Variants in DGLUCY observed in about 807,000 individuals in gnomAD.
DGLUCY encodes D-glutamate cyclase, also known as D-glutamate cyclase, mitochondrial.
In DGLUCY, 58 loss-of-function variants were observed where a neutral mutation model predicts 58.5. The observed-to-expected ratio is 0.99, with a 90% confidence interval of 0.80 to 1.23. The LOEUF is 1.23. Among genes scored for constraint, DGLUCY ranks in the 50% most tolerant of loss-of-function variants. The probability of loss-of-function intolerance (pLI) is 0.00; values close to 1 mark genes in which losing one functional copy is unlikely to be tolerated. For missense variants in DGLUCY, 779 were observed against 784.7 expected, an observed-to-expected ratio of 0.99 and a Z score of 0.09; for synonymous variants, 325 against 314.1, an observed-to-expected ratio of 1.03 and a Z score of -0.37.
rs1180152432 is a variant in DGLUCY, at chr14:91,169,408, T to C, written c.258-595T>C. Among the ~76,000 whole-genome samples the C allele has an allele frequency of 2.9e-5, 4 of 140,144 alleles. No individual in the cohort carries two copies. The East Asian group carries it at 6.0e-4, about 21-fold the overall frequency. The allele number at this position is 140,144 out of a possible 152,430, so 91.9% of individuals were successfully genotyped here. A position where few individuals can be genotyped will look rare whatever the true frequency, so the allele number is the denominator to read the frequency against. On this transcript the variant is annotated intron_variant, in intron 4 of 13. Coordinates refer to ENST00000256324, the MANE Select transcript of DGLUCY (RefSeq NM_001102368.3). ...CCACCATTTACTTTTCTTCTTCTTC[T>C]TTTTTTTTTTTTTTCTTTGAGGCAG...
chr14:91,209,995 AATACGCC>A (rs762844137), intron 12 of DGLUCY, among the ~76,000 whole-genome samples: 13 of 152,180 alleles, frequency 8.5e-5, no homozygotes, highest in Non-Finnish European at 1.8e-4. Flanking sequence ...AATAAGACAT[AATACGCC>A]AGGCACAATG....
intron 8 of DGLUCY, among the ~76,000 whole-genome samples, chr14:91,187,135 G>A (rs2077899736): frequency 1.3e-5 from 2 of 152,062 alleles, no homozygotes; most frequent in South Asian, 4.2e-4. Flanking sequence ...GAGTAGCTGG[G>A]ATTACAGGCA....
intron 1 of DGLUCY, among the ~76,000 whole-genome samples, chr14:91,135,152 C>T (rs944104447): frequency 3.9e-5 from 6 of 152,060 alleles, no homozygotes; most frequent in African/African-American, 1.4e-4. Flanking sequence ...TTGAGAACTC[C>T]TGAGATCAAG....
chr14:91,111,236 GTGTGTGTGTGTGTA>G (rs1566944333), upstream of DGLUCY, among the ~76,000 whole-genome samples: 123 of 109,956 alleles, frequency 1.1e-3, 1 homozygote, highest in African/African-American at 1.6e-3. Context: ...GTGTGTGTGT[GTGTGTGTGTGTGTA>G]TATATCTATA....
intron 1 of DGLUCY, among the ~76,000 whole-genome samples, chr14:91,084,361 G>A (rs954866797): frequency 5.9e-5 from 9 of 151,918 alleles, no homozygotes; most frequent in Admixed American, 5.3e-4. Flanking sequence ...CCACCACCAT[G>A]CTCGGCTAAT....
intron 13 of DGLUCY, among the ~76,000 whole-genome samples, chr14:91,223,006 C>T (rs1887735085): frequency 6.6e-6 from 1 of 152,208 alleles, no homozygotes; most frequent in African/African-American, 2.4e-5. Context: ...TCCTGACCCT[C>T]ACTCATGACC....
At chr14:91,194,775 G>A (rs914986669) in intron 9 of DGLUCY, among the ~76,000 whole-genome samples, 5 of 152,074 alleles carry the variant, frequency 3.3e-5, no homozygotes, top group Admixed American at 1.3e-4. Context: ...TCCTGACCTC[G>A]TGATCTGCCC....
At chr14:91,087,362 A>C (rs1343950194) in intron 1 of DGLUCY, among the ~76,000 whole-genome samples, 1 of 152,214 alleles carries the variant, frequency 6.6e-6, no homozygotes, top group Non-Finnish European at 1.5e-5. Flanking sequence ...TCCTCTTCAA[A>C]GACTTTCCTC....
intron 8 of DGLUCY, among the ~76,000 whole-genome samples, chr14:91,188,100 A>G (rs1334730541): frequency 2.0e-5 from 3 of 152,188 alleles, no homozygotes; most frequent in Admixed American, 6.5e-5. Flanking sequence ...CTCACACAGC[A>G]GGCCAGGGTG....
rs58530743 is a variant in DGLUCY, at chr14:91,088,732, C to T, written c.-82+28028C>T. Among the ~76,000 whole-genome samples the T allele has an allele frequency of 3.1e-3, 475 of 152,270 alleles. 5 individuals are homozygous for T. The highest frequency in any genetic ancestry group is 0.011 in the African/African-American group (460 of 41,526). The stretch of plus-strand genomic sequence containing the variant: ...AACTCCCAGTGCCTTGGCCTACTGG[C>T]CCAGAGCCATTTCAGATCCTGTGAA... On this transcript the variant is annotated intron_variant, in intron 1 of 4. Coordinates refer to the DGLUCY transcript ENST00000521334.
intron 1 of DGLUCY, among the ~76,000 whole-genome samples, chr14:91,135,653 TAAAAAAAA>T (rs60532081): frequency 4.0e-5 from 4 of 100,316 alleles, no homozygotes; most frequent in Non-Finnish European, 5.5e-5. Flanking sequence ...TCTGCCTCAT[TAAAAAAAA>T]AAAAAAAAAA....
chr14:91,224,848 T>C lies in DGLUCY; in HGVS notation c.*15T>C. 1 of 1,591,340 alleles carries C rather than the reference T, an allele frequency of 6.3e-7. No individual in the cohort carries two copies. The highest frequency in any genetic ancestry group is 8.6e-7 in the Non-Finnish European group (1 of 1,163,562). ...CACAGGTGTAACCGTCCATGTTCCG[T>C]GTGAGCAGAGTCCCTACCAACGGGC... is the stretch of plus-strand genomic sequence containing the variant. On this transcript the variant is annotated 3_prime_UTR_variant, in exon 14 of 14. Transcript: ENST00000256324.
At chr14:91,223,570 T>C in intron 13 of DGLUCY, 1 of 862,586 alleles carries the variant, frequency 1.2e-6, no homozygotes, top group South Asian at 1.5e-5. Flanking sequence ...AGCTGTTCAC[T>C]AGGGACAGAC....
rs187677221 is a variant in DGLUCY, at chr14:91,181,710, A to G, written c.934+321A>G. ...TTTTTTTGAGACAGAGTCTTACTCT[A>G]TTGCCCAGGCTGGAACAATGGCGTG... On this transcript the variant is annotated intron_variant, in intron 8 of 13. Transcript: ENST00000256324. Among the ~76,000 whole-genome samples, 250 of 136,416 alleles carry G rather than the reference A, an allele frequency of 1.8e-3. 2 individuals are homozygous for G. The highest frequency in any genetic ancestry group is 4.5e-3 in the Middle Eastern group (1 of 222). The allele number at this position is 136,416 out of a possible 152,430, so 89.5% of individuals were successfully genotyped here.
chr14:91,112,316 G>A (rs796467227), upstream of DGLUCY, among the ~76,000 whole-genome samples: 2 of 152,016 alleles, frequency 1.3e-5, no homozygotes, highest in South Asian at 2.1e-4. Flanking sequence ...TGTGAGCCTG[G>A]CCTCAATTTA....
chr14:91,145,859 A>G (rs2046988133), intron 1 of DGLUCY, among the ~76,000 whole-genome samples: 1 of 151,638 alleles, frequency 6.6e-6, no homozygotes, highest in South Asian at 2.1e-4. Context: ...ACTCATCCCC[A>G]TTTCCTTTTC....
intron 1 of DGLUCY, among the ~76,000 whole-genome samples, chr14:91,063,572 AT>A (rs1322274984): frequency 2.6e-5 from 4 of 152,236 alleles, no homozygotes; most frequent in Non-Finnish European, 2.9e-5. Flanking sequence ...GTTAGATGGG[AT>A]TATTTGCTAC....
At chr14:91,146,792 C>T (rs755102761) in intron 1 of DGLUCY, among the ~76,000 whole-genome samples, 3 of 152,128 alleles carry the variant, frequency 2.0e-5, no homozygotes, top group South Asian at 4.2e-4. Flanking sequence ...GGACTGTGCT[C>T]CTATTCTTTA....
At chr14:91,199,363 G>A (rs1340421327) in intron 10 of DGLUCY, among the ~76,000 whole-genome samples, 1 of 151,668 alleles carries the variant, frequency 6.6e-6, no homozygotes, top group Non-Finnish European at 1.5e-5. Context: ...GGGTTCAAGT[G>A]ATTCTTCTGC....
Sources: allele counts gnomAD v4.1 joint callset (sites outside exome capture counted in the v4.1 genomes callset), GRCh38; gene constraint gnomAD v4.1.1; transcripts MANE v1.5; gene names NCBI Gene and HGNC (gene_info 2026-07-23, HGNC 2026-07-21).